The following EVC2 variants were observed in gnomAD, a reference collection of about 807,000 sequenced individuals.
EVC2 encodes limbin.
Under a neutral mutation model 149.3 loss-of-function variants are expected in EVC2, and 148 were observed. The observed-to-expected ratio is 0.99, with a 90% CI of 0.87 to 1.14. The LOEUF (loss-of-function observed/expected upper bound fraction) is 1.14. Among genes scored for constraint, EVC2 ranks in the 50% most tolerant of loss-of-function variants. The probability of loss-of-function intolerance (pLI) is 0.00; values close to 1 mark genes in which losing one functional copy is unlikely to be tolerated. For synonymous variants in EVC2, 776 were observed against 649.9 expected, an observed-to-expected ratio of 1.19 and a Z score of -2.95; for missense variants, 1,854 against 1,627.3, an observed-to-expected ratio of 1.14 and a Z score of -2.40.
In EVC2 at chr4:5,685,240, C is replaced by T. The variant is rs957726; in HGVS notation, c.816+130G>A. 0.66 allele frequency: 591,111 copies of T among 895,532 alleles called. 196,269 individuals are homozygous for T. The highest frequency in any genetic ancestry group is 0.74 in the East Asian group (30,262 of 40,922). The allele number at this position is 895,532 out of a possible 1,614,324, so 55.5% of individuals were successfully genotyped here. On this transcript the variant is annotated intron_variant, in intron 6 of 21. Transcript: ENST00000344408. ...GGCGTGTGAGACTCCAGGGCCTATGCCCTTATCTGCTAGGTGGCATCACTG... is the reference window on the plus strand; with the variant it reads ...GGCGTGTGAGACTCCAGGGCCTATGTCCTTATCTGCTAGGTGGCATCACTG...
At chr4:5,601,772 A>T (rs1337353271) in intron 16 of EVC2, among the ~76,000 whole-genome samples, 1 of 152,226 alleles carries the variant, frequency 6.6e-6, no homozygotes, top group Non-Finnish European at 1.5e-5. Flanking sequence ...GATGTGTTTC[A>T]CTAACAACAA....
intron 9 of EVC2, among the ~76,000 whole-genome samples, chr4:5,641,695 C>G (rs1341154477): frequency 6.6e-6 from 1 of 152,090 alleles, no homozygotes; most frequent in African/African-American, 2.4e-5. Flanking sequence ...CATCTGAAAA[C>G]AAAGACAAAT....
In EVC2 at chr4:5,677,552, G is replaced by A. The variant is rs972000784; in HGVS notation, c.870+3708C>T. ...CTCCTGAAGGCAACATGCAGGTGAC[G>A]GGAAGCCTGGAAGACCTCGGCATGG... is the stretch of plus-strand genomic sequence containing the variant. On this transcript the variant is annotated intron_variant, in intron 7 of 21. Transcript: ENST00000344408. The surrounding 1 kb of genome is among the most constrained non-coding windows in gnomAD (Gnocchi z 4.3). Among the ~76,000 whole-genome samples the A allele has an allele frequency of 5.3e-5, 8 of 152,206 alleles. No homozygotes were observed. The highest frequency in any genetic ancestry group is 1.2e-4 in the African/African-American group (5 of 41,456).
chr4:5,673,875 A>ATTACGGCATTTT (rs1328875772), intron 7 of EVC2, among the ~76,000 whole-genome samples: 1 of 152,210 alleles, frequency 6.6e-6, no homozygotes, highest in Non-Finnish European at 1.5e-5. Context: ...TGCTGGTGGG[A>ATTACGGCATTTT]TTACGGCATG....
rs776250707 is a variant in EVC2, at chr4:5,663,145, A to G, written c.1107T>C (p.Ser369=). The G allele has an allele frequency of 1.6e-5, 26 of 1,614,090 alleles. No homozygotes were observed. Among genetic ancestry groups the G allele is most frequent in the Non-Finnish European group, 2.1e-5 (25 of 1,180,034 alleles). ...SLNDQMIDIL[S]SEDPGSMLQA... ...GAAGCATGCTCCCAGGGTCCTCGGAAGACAGAATGTCTATCATTTGGTCGT... is the reference window on the plus strand; with the variant it reads ...GAAGCATGCTCCCAGGGTCCTCGGAGGACAGAATGTCTATCATTTGGTCGT... The change falls in exon 9 of 22, where the codon TCT becomes TCC. Residue 369 remains serine, a synonymous_variant. Coordinates refer to ENST00000344408, the MANE Select transcript of EVC2 (RefSeq NM_147127.5).
At chr4:5,543,488 GA>G (rs1472584763) in intron 21 of EVC2, among the ~76,000 whole-genome samples, 1 of 152,214 alleles carries the variant, frequency 6.6e-6, no homozygotes, top group Non-Finnish European at 1.5e-5. Context: ...AGTTGGTGGG[GA>G]GAGGTTCTTA....
At chr4:5,552,925 G>A (rs1247862671) in intron 21 of EVC2, among the ~76,000 whole-genome samples, 1 of 152,230 alleles carries the variant, frequency 6.6e-6, no homozygotes, top group Non-Finnish European at 1.5e-5. Flanking sequence ...GCACGATACA[G>A]TAGTTCCAAG....
chr4:5,700,543 G>C (rs1009972387), intron 1 of EVC2, among the ~76,000 whole-genome samples: 2 of 152,176 alleles, frequency 1.3e-5, no homozygotes, highest in Non-Finnish European at 2.9e-5. Flanking sequence ...TGCCACTCAG[G>C]AGGAAGGGGC....
At chr4:5,647,575 A>C (rs1326769003) in intron 9 of EVC2, among the ~76,000 whole-genome samples, 1 of 152,228 alleles carries the variant, frequency 6.6e-6, no homozygotes, top group African/African-American at 2.4e-5. Context: ...GCCTCAAAGC[A>C]GTGTGTGTAT....
At chr4:5,600,415 G>A (rs767887581) in intron 16 of EVC2, among the ~76,000 whole-genome samples, 1 of 152,014 alleles carries the variant, frequency 6.6e-6, no homozygotes, top group Non-Finnish European at 1.5e-5. Flanking sequence ...TTTTAAAGAG[G>A]TTTCTTCATT....
chr4:5,562,076 T>C (rs1170319427), downstream of EVC2, among the ~76,000 whole-genome samples: 3 of 152,146 alleles, frequency 2.0e-5, no homozygotes, highest in Non-Finnish European at 4.4e-5. This position sits in a 1 kb window ranked among gnomAD's most constrained non-coding sequence, Gnocchi z 4.3. Context: ...CAAGCACTTG[T>C]ATGGAGTCTG....
At chr4:5,616,689 T>G (rs1682096403) in intron 15 of EVC2, among the ~76,000 whole-genome samples, 1 of 152,234 alleles carries the variant, frequency 6.6e-6, no homozygotes, top group African/African-American at 2.4e-5. Flanking sequence ...TCCCACCACC[T>G]TCTCTGCCGC....
intron 21 of EVC2, among the ~76,000 whole-genome samples, chr4:5,564,833 GC>G (rs1237777750): frequency 8.5e-5 from 13 of 152,218 alleles, no homozygotes; most frequent in Non-Finnish European, 1.9e-4. Context: ...CAGTGAGGCA[GC>G]CCCAAATCTC....
chr4:5,662,237 C>T (rs919236527), intron 9 of EVC2, among the ~76,000 whole-genome samples: 1 of 151,944 alleles, frequency 6.6e-6, no homozygotes, highest in Non-Finnish European at 1.5e-5. Context: ...ACTTGGAAAG[C>T]TTCTTCATAA....
intron 16 of EVC2, among the ~76,000 whole-genome samples, chr4:5,587,250 T>C (rs1291070841): frequency 6.6e-6 from 1 of 152,130 alleles, no homozygotes; most frequent in Non-Finnish European, 1.5e-5. Context: ...ACCCCACACC[T>C]CTTAAGCAAT....
intron 17 of EVC2, among the ~76,000 whole-genome samples, chr4:5,581,474 A>G (rs1711779360): frequency 6.6e-6 from 1 of 152,240 alleles, no homozygotes. Flanking sequence ...GCTTTAGCAA[A>G]CAGACTGGTG....
chr4:5,702,776 T>C (rs1285602475), intron 1 of EVC2, among the ~76,000 whole-genome samples: 3 of 152,206 alleles, frequency 2.0e-5, no homozygotes, highest in Non-Finnish European at 4.4e-5. Context: ...TTGTAGAGCC[T>C]AGACACCGAC....
At chr4:5,552,639 A>T (rs1721762177) in intron 21 of EVC2, among the ~76,000 whole-genome samples, 1 of 152,212 alleles carries the variant, frequency 6.6e-6, no homozygotes, top group African/African-American at 2.4e-5. Context: ...AGGACCATGA[A>T]TAAATGAAGC....
intron 1 of EVC2, among the ~76,000 whole-genome samples, chr4:5,704,829 C>T (rs565176516): frequency 6.6e-6 from 1 of 152,038 alleles, no homozygotes; most frequent in African/African-American, 2.4e-5. Flanking sequence ...CCTCAGCCTC[C>T]TGAAAACCTG....
Sources: allele counts gnomAD v4.1 joint callset (sites outside exome capture counted in the v4.1 genomes callset), GRCh38; gene constraint gnomAD v4.1.1; non-coding constraint Gnocchi (gnomAD v3.1); transcripts MANE v1.5; gene names NCBI Gene and HGNC (gene_info 2026-07-23, HGNC 2026-07-21).